NRIP1: variants seen among roughly 807,000 people sequenced by gnomAD.
NRIP1 encodes nuclear receptor-interacting protein 1.
In NRIP1, 28 loss-of-function variants were observed where a neutral mutation model predicts 75.0. The observed-to-expected ratio is 0.37, with a 90% CI of 0.28 to 0.51. The LOEUF (loss-of-function observed/expected upper bound fraction) is 0.51, where lower values mean the gene tolerates loss of function less well. Ranked by LOEUF, NRIP1 falls within the 20% of genes least tolerant of loss-of-function variation. The pLI is 0.92. For missense variants in NRIP1, 1,435 were observed against 1,343.7 expected, an observed-to-expected ratio of 1.07 and a Z score of -1.06; for synonymous variants, 526 against 487.6, an observed-to-expected ratio of 1.08 and a Z score of -1.04.
chr21:14,991,438 A>G (rs987045857), intron 3 of NRIP1: 3 of 151,842 alleles, frequency 2.0e-5, no homozygotes, highest in Admixed American at 2.0e-4. Flanking sequence ...GGCTTCAGTT[A>G]TTTTACCTCC....
At chr21:15,041,575 T>A (rs2088955779) in intron 2 of NRIP1, among the ~76,000 whole-genome samples, 7 of 152,192 alleles carry the variant, frequency 4.6e-5, no homozygotes, top group Admixed American at 4.6e-4. Flanking sequence ...TGAATATACA[T>A]GGGAATTTGT....
intron 3 of NRIP1, among the ~76,000 whole-genome samples, chr21:15,007,440 G>A (rs1600862376): frequency 6.6e-6 from 1 of 152,062 alleles, no homozygotes; most frequent in East Asian, 1.9e-4. Flanking sequence ...AGATAAAAAC[G>A]ATAAAAATAA....
At chr21:15,057,659 T>A (rs912028084) in intron 1 of NRIP1, among the ~76,000 whole-genome samples, 4 of 152,224 alleles carry the variant, frequency 2.6e-5, no homozygotes, top group Admixed American at 2.0e-4. Flanking sequence ...GAATGTCAGA[T>A]GGCAACTGGT....
intron 2 of NRIP1, among the ~76,000 whole-genome samples, chr21:15,026,864 G>T (rs955373598): frequency 6.6e-6 from 1 of 151,974 alleles, no homozygotes; most frequent in Non-Finnish European, 1.5e-5. Context: ...TCTCATAACT[G>T]TACATATTAA....
intron 1 of NRIP1, chr21:15,051,176 G>T (rs563450728): frequency 3.2e-6 from 1 of 312,104 alleles, no homozygotes; most frequent in Admixed American, 4.5e-5. Context: ...CTGTGCCTCC[G>T]AGAACTCATG....
At chr21:15,055,007 T>C (rs1480369992) in intron 1 of NRIP1, among the ~76,000 whole-genome samples, 1 of 152,216 alleles carries the variant, frequency 6.6e-6, no homozygotes, top group Non-Finnish European at 1.5e-5. Flanking sequence ...ATCAGGAACG[T>C]GGCCAGTGTG....
rs1439670659 is a variant in NRIP1 at position 14,967,840 on chromosome 21, C to T, written c.353G>A (p.Gly118Asp). The part of the protein sequence containing the change: ...LNVKKEALLA[G>D]MVDSVPKGKQ... ...GCCTTTAGGCACACTGTCAACCATG[C>T]CAGCTAGCAAAGCTTCCTTCTTTAC... The change falls in exon 4 of 4, where the codon GGC (glycine) becomes GAC (aspartate). Residue 118 changes from glycine (G) to aspartate (D), a missense_variant. Coordinates refer to ENST00000318948, the MANE Select transcript of NRIP1 (RefSeq NM_003489.4). 6.2e-7 allele frequency: 1 copy of T among 1,613,944 alleles called. No homozygotes were observed. The highest frequency in any genetic ancestry group is 8.5e-7 in the Non-Finnish European group (1 of 1,179,964).
chr21:15,013,708 A>G (rs1250550589), intron 3 of NRIP1, among the ~76,000 whole-genome samples: 1 of 152,196 alleles, frequency 6.6e-6, no homozygotes, highest in South Asian at 2.1e-4. Context: ...CCACTTGCTC[A>G]TCGTCTTTTT....
At chr21:15,016,455 T>A (rs973378926) in intron 2 of NRIP1, among the ~76,000 whole-genome samples, 3 of 152,210 alleles carry the variant, frequency 2.0e-5, no homozygotes, top group Non-Finnish European at 4.4e-5. Context: ...ATCTTCCCGT[T>A]ATCAACATTA....
intron 1 of NRIP1, among the ~76,000 whole-genome samples, chr21:15,043,857 C>T (rs2089012475): frequency 2.6e-5 from 4 of 152,194 alleles, no homozygotes; most frequent in Admixed American, 2.6e-4. Flanking sequence ...CTCCCTCTGT[C>T]ACCCAGGCTG....
At chr21:15,000,854 G>A (rs985344745) in intron 3 of NRIP1, among the ~76,000 whole-genome samples, 10 of 152,114 alleles carry the variant, frequency 6.6e-5, no homozygotes, top group Admixed American at 3.9e-4. Context: ...TTGTAAGGGA[G>A]TTCCAAAGTT....
intron 2 of NRIP1, among the ~76,000 whole-genome samples, chr21:15,032,985 G>C (rs2147272709): frequency 6.6e-6 from 1 of 152,254 alleles, no homozygotes; most frequent in Non-Finnish European, 1.5e-5. Context: ...CAGCACTTCG[G>C]GAGGCCGAGG....
At position 14,966,829 on chromosome 21, in the gene NRIP1, T is replaced by G; in HGVS notation, c.1364A>C (p.Asp455Ala). Residue 455 changes from aspartate to alanine, a missense_variant, in exon 4 of 4, where the codon GAC (aspartate) becomes GCC (alanine). Physicochemically the swap from Asp to Ala is moderately radical, Grantham distance 126. Transcript: ENST00000318948. ...GAAGTTATCCAGGGAAACAGGTTGG[T>G]CAGATTCTGATTTTTCAGTTCGGTG... Reference protein sequence around the residue: ...CKHRTEKSESDQPVSLDNFTQ... With the variant: ...CKHRTEKSESAQPVSLDNFTQ... 6.2e-7 allele frequency: 1 copy of G among 1,614,122 alleles called. No individual in the cohort carries two copies. Among genetic ancestry groups the G allele is most frequent in the Non-Finnish European group, 8.5e-7 (1 of 1,179,982 alleles).
intron 1 of NRIP1, among the ~76,000 whole-genome samples, chr21:15,062,826 A>C (rs1978426133): frequency 6.6e-6 from 1 of 152,210 alleles, no homozygotes; most frequent in Admixed American, 6.5e-5. Flanking sequence ...AAAAGCCTTT[A>C]GTCTCTTCAC....
chr21:15,053,006 T>C (rs2089234937), intron 1 of NRIP1, among the ~76,000 whole-genome samples: 1 of 152,230 alleles, frequency 6.6e-6, no homozygotes, highest in African/African-American at 2.4e-5. Context: ...GATTTTAATT[T>C]TACTTTTGTT....
intron 2 of NRIP1, among the ~76,000 whole-genome samples, chr21:15,031,443 G>A (rs368562150): frequency 4.1e-4 from 50 of 120,554 alleles, no homozygotes; most frequent in African/African-American, 1.5e-3. Flanking sequence ...GAAGGCGCTC[G>A]GAGGATCACC....
intron 3 of NRIP1, among the ~76,000 whole-genome samples, chr21:14,977,869 G>A (rs1014179912): frequency 6.6e-6 from 1 of 152,158 alleles, no homozygotes; most frequent in Non-Finnish European, 1.5e-5. Context: ...TTGCTCAACT[G>A]AGGGCCTCAA....
intron 1 of NRIP1, among the ~76,000 whole-genome samples, chr21:15,061,887 C>A (rs529006725): frequency 6.6e-6 from 1 of 152,312 alleles, no homozygotes; most frequent in South Asian, 2.1e-4. Flanking sequence ...TCCCTCTGAT[C>A]TTTCTAGAGT....
chr21:15,041,291 T>A (rs374279065), intron 2 of NRIP1, among the ~76,000 whole-genome samples: 6 of 152,260 alleles, frequency 3.9e-5, no homozygotes, highest in African/African-American at 1.2e-4. Context: ...GCAAAACTAA[T>A]CTATAGTAAA....
Sources: allele counts gnomAD v4.1 joint callset (sites outside exome capture counted in the v4.1 genomes callset), GRCh38; gene constraint gnomAD v4.1.1; transcripts MANE v1.5; gene names NCBI Gene and HGNC (gene_info 2026-07-23, HGNC 2026-07-21).